Variants in ADGB observed in about 807,000 individuals in gnomAD.
ADGB encodes the protein androglobin.
In ADGB, 172 loss-of-function variants were observed where a neutral mutation model predicts 210.5. That is an observed-to-expected ratio of 0.82 (90% confidence interval 0.72 to 0.93). The LOEUF is 0.93. ADGB is among the 40% of genes least tolerant of loss of function. The pLI is 0.00. For missense variants in ADGB, 2,025 were observed against 1,964.8 expected, an observed-to-expected ratio of 1.03 and a Z score of -0.58; for synonymous variants, 658 against 662.7, an observed-to-expected ratio of 0.99 and a Z score of 0.11.
intron 13 of ADGB, 123 bp downstream of exon 13, chr6:146,701,193 A>T: frequency 8.8e-7 from 1 of 1,134,284 alleles, no homozygotes; most frequent in South Asian, 1.7e-5. Flanking sequence ...TATAAAGAAT[A>T]GTGTTAAAAT....
At chr6:146,728,034 C>A (rs374798123) in intron 19 of ADGB, among the ~76,000 whole-genome samples, 4 of 152,278 alleles carry the variant, frequency 2.6e-5, no homozygotes, top group East Asian at 3.9e-4. Context: ...TTCCAGGCAA[C>A]TCCAGGACCA....
intron 12 of ADGB, among the ~76,000 whole-genome samples, chr6:146,698,713 A>T (rs1562277484): frequency 1.3e-5 from 2 of 152,130 alleles, no homozygotes; most frequent in African/African-American, 2.4e-5. Context: ...GTTGCAAATT[A>T]ATAAATCTAG....
intron 32 of ADGB, among the ~76,000 whole-genome samples, chr6:146,786,333 G>A (rs906324387): frequency 1.3e-5 from 2 of 151,702 alleles, no homozygotes; most frequent in Non-Finnish European, 2.9e-5. Context: ...TAATGCCAGT[G>A]TCTTCTCACA....
chr6:146,814,914 A>G, intron 35 of ADGB, 118 bp from the exon 36 acceptor site: 1 of 922,464 alleles, frequency 1.1e-6, no homozygotes, highest in South Asian at 1.9e-5. Flanking sequence ...ATCTTCAATC[A>G]TTTTGCCTAT....
At chr6:146,718,763 T>C (rs1776772336) in intron 16 of ADGB, among the ~76,000 whole-genome samples, 1 of 152,192 alleles carries the variant, frequency 6.6e-6, no homozygotes, top group African/African-American at 2.4e-5. Context: ...AACTTTTCCA[T>C]TGCCCTTGTA....
rs531970438 is a variant in ADGB, at chr6:146,664,144, C to A, written c.613-57C>A. The A allele has an allele frequency of 6.9e-6, 10 of 1,443,584 alleles. No individual in the cohort carries two copies. In the African/African-American group the frequency reaches 1.2e-4, roughly 17 times the overall value. 89.4% of individuals were successfully genotyped at this position (1,443,584 alleles called of 1,614,324 possible). The stretch of plus-strand genomic sequence containing the variant: ...AATGTCAGCCACGTGCAATCATTTA[C>A]GAGAGAAAAGACTGTAAGCCATTGA... On this transcript the variant is annotated intron_variant, in intron 5 of 35. Transcript: ENST00000397944.
chr6:146,667,018 G>A, intron 7 of ADGB, 116 bp downstream of exon 7: 1 of 685,370 alleles, frequency 1.5e-6, no homozygotes, highest in Admixed American at 2.9e-5. Flanking sequence ...CAAAATTTGG[G>A]GGAAAATATC....
chr6:146,799,626 A>C, intron 33 of ADGB, among the ~76,000 whole-genome samples: 2 of 126,678 alleles, frequency 1.6e-5, no homozygotes, highest in African/African-American at 3.0e-5. Flanking sequence ...AAAGGGAGGG[A>C]GGGAGGGAGA....
chr6:146,788,433 T>G lies in ADGB; in HGVS notation c.4360T>G (p.Ser1454Ala). The G allele has an allele frequency of 6.4e-7, 1 of 1,551,544 alleles. No individual in the cohort carries two copies. Among genetic ancestry groups the G allele is most frequent in the African/African-American group, 1.4e-5 (1 of 73,126 alleles). ...RGVKEPNSKN[S>A]AGSESKEMTQ... ...CGTAAAAGAACCAAACTCAAAGAAT[T>G]CTGCAGGTTCAGAGAGCAAAGAGAT... The change falls in exon 33 of 36, where the codon TCT (serine) becomes GCT (alanine). Residue 1454 changes from serine to alanine, a missense_variant. Transcript: ENST00000397944.
chr6:146,717,573 CT>C lies in ADGB; in HGVS notation c.1968del (p.Asn657ThrfsTer20). 7.1e-7 allele frequency: 1 copy of C among 1,407,346 alleles called. No homozygotes were observed. The highest frequency in any genetic ancestry group is 2.6e-5 in the East Asian group (1 of 38,278). The allele number at this position is 1,407,346 out of a possible 1,614,324, so 87.2% of individuals were successfully genotyped here. ...YIFHKPSSYC[L>X]NFQKSEFKFS... is the part of the protein sequence containing the mutation. Reference sequence around the variant, plus strand: ...TTTCCACAAGCCAAGTTCATATTGCCTTAACTTTCAAAAATCAGAATTTAAG... The same window carrying C: ...TTTCCACAAGCCAAGTTCATATTGCCTAACTTTCAAAAATCAGAATTTAAG... On this transcript the variant is annotated frameshift_variant, in exon 16 of 36. Transcript: ENST00000397944. LOFTEE classifies it high-confidence loss of function.
intron 1 of ADGB, among the ~76,000 whole-genome samples, chr6:146,627,545 C>T (rs1006134028): frequency 1.3e-5 from 2 of 152,172 alleles, no homozygotes; most frequent in African/African-American, 4.8e-5. Flanking sequence ...ACTTCTGCCT[C>T]TCTAGGTGAA....
At chr6:146,691,091 T>C in intron 10 of ADGB, 25 bp from the exon 11 acceptor site, 6 of 1,504,114 alleles carry the variant, frequency 4.0e-6, no homozygotes, top group Non-Finnish European at 5.3e-6. Context: ...GGAGAATGCT[T>C]TTCAATTTAC....
chr6:146,602,138 C>CT (rs1183615462), intron 1 of ADGB, among the ~76,000 whole-genome samples: 2 of 152,138 alleles, frequency 1.3e-5, no homozygotes, highest in African/African-American at 4.8e-5. Context: ...TTCTCTGTAT[C>CT]TGCCAGTATG....
chr6:146,724,124 A>G, intron 17 of ADGB, 62 bp from the exon 18 acceptor site: 2 of 1,357,320 alleles, frequency 1.5e-6, no homozygotes, highest in Admixed American at 2.7e-5. Context: ...AAAAGACAGT[A>G]CTAGTGAATG....
intron 13 of ADGB, among the ~76,000 whole-genome samples, chr6:146,706,927 GT>G (rs1259058310): frequency 7.2e-6 from 1 of 137,992 alleles, no homozygotes; most frequent in Non-Finnish European, 1.6e-5. Flanking sequence ...TTTGGGTTTA[GT>G]TTGCTTTCTT....
At position 146,772,180 on chromosome 6, in the gene ADGB, T is replaced by A. The variant is rs1480349187; in HGVS notation, c.3862+3049T>A. Among the ~76,000 whole-genome samples the A allele has an allele frequency of 2.0e-5, 3 of 152,072 alleles. No individual in the cohort carries two copies. In the East Asian group the frequency reaches 5.8e-4, roughly 29 times the overall value. ...ACCTTGCTGAATTCAATTGAAGATC[T>A]TGCTCACAAGGAAAACCTGTTTCTG... On this transcript the variant is annotated intron_variant, in intron 29 of 35. Coordinates refer to ENST00000397944, the MANE Select transcript of ADGB (RefSeq NM_024694.4).
intron 35 of ADGB, among the ~76,000 whole-genome samples, chr6:146,804,091 T>C (rs1429046035): frequency 6.6e-6 from 1 of 152,148 alleles, no homozygotes; most frequent in Non-Finnish European, 1.5e-5. Flanking sequence ...AGTAGAAGAA[T>C]AGGTGTCCTT....
rs1778142520 is a variant in ADGB at position 146,801,990 on chromosome 6, G to A, written c.4797G>A (p.Leu1599=). The A allele has an allele frequency of 1.3e-6, 2 of 1,547,980 alleles. No homozygotes were observed. Among genetic ancestry groups the A allele is most frequent in the Middle Eastern group, 1.7e-4 (1 of 6,012 alleles). ...GGTTGAAGTTAAAGGATGAAGTCCT[G>A]GATATGTATAAGGAAATGCAGGTGA... ...EERLKLKDEV[L]DMYKEMQDSL... The change falls in exon 35 of 36, where the codon CTG becomes CTA. Residue 1599 remains leucine (L), a synonymous_variant. Coordinates refer to ENST00000397944, the MANE Select transcript of ADGB (RefSeq NM_024694.4).
chr6:146,680,023 A>G, intron 9 of ADGB, among the ~76,000 whole-genome samples: 1 of 152,210 alleles, frequency 6.6e-6, no homozygotes, highest in Non-Finnish European at 1.5e-5. Flanking sequence ...CAATAACATT[A>G]GAATATGACT....
Sources: allele counts gnomAD v4.1 joint callset (sites outside exome capture counted in the v4.1 genomes callset), GRCh38; gene constraint gnomAD v4.1.1; transcripts MANE v1.5; gene names NCBI Gene and HGNC (gene_info 2026-07-23, HGNC 2026-07-21).